Variants in CTNNA3 observed in about 807,000 individuals in gnomAD.
CTNNA3 encodes the protein catenin alpha 3, also known as catenin alpha-3.
In CTNNA3, 76 loss-of-function variants were observed where a neutral mutation model predicts 95.7. The ratio of observed to expected loss-of-function variants is 0.79; its 90% CI spans 0.66 to 0.96. The LOEUF (loss-of-function observed/expected upper bound fraction) is 0.96, where lower values mean the gene tolerates loss of function less well. Among genes scored for constraint, CTNNA3 ranks in the 40% least tolerant of loss-of-function variants. The pLI, the probability that CTNNA3 is intolerant of heterozygous loss-of-function variation, is 0.00. For synonymous variants in CTNNA3, 431 were observed against 374.4 expected, an observed-to-expected ratio of 1.15 and a Z score of -1.74; for missense variants, 1,191 against 1,089.8, an observed-to-expected ratio of 1.09 and a Z score of -1.31.
intron 5 of CTNNA3, among the ~76,000 whole-genome samples, chr10:67,243,766 G>A (rs1024211224): frequency 3.3e-5 from 5 of 152,188 alleles, no homozygotes; most frequent in Admixed American, 6.5e-5. Flanking sequence ...TTAAGTCATC[G>A]TGGATTCTTA....
At chr10:66,036,362 T>TTTTTTG (rs1383803309) in intron 15 of CTNNA3, among the ~76,000 whole-genome samples, 9 of 152,176 alleles carry the variant, frequency 5.9e-5, no homozygotes, top group South Asian at 2.1e-4. Flanking sequence ...CCACCAGGTT[T>TTTTTTG]TTTTTGTTTT....
chr10:66,318,276 ATGTGTGTG>A (rs138734509), intron 12 of CTNNA3, among the ~76,000 whole-genome samples: 4 of 136,602 alleles, frequency 2.9e-5, no homozygotes, highest in South Asian at 2.4e-4. Flanking sequence ...ATATATATAT[ATGTGTGTG>A]TGTGTGTGTG....
intron 5 of CTNNA3, among the ~76,000 whole-genome samples, chr10:67,430,229 A>T (rs1313363627): frequency 6.6e-6 from 1 of 152,038 alleles, no homozygotes; most frequent in Non-Finnish European, 1.5e-5. Flanking sequence ...ATTCACAATT[A>T]CCCAATTCAG....
intron 12 of CTNNA3, among the ~76,000 whole-genome samples, chr10:66,310,814 G>A (rs2092008976): frequency 6.6e-6 from 1 of 151,378 alleles, no homozygotes; most frequent in Non-Finnish European, 1.5e-5. Context: ...CTCCCAAGTA[G>A]CTGGGACTAC....
At chr10:67,182,394 AC>A (rs967225163) in intron 6 of CTNNA3, among the ~76,000 whole-genome samples, 3 of 152,128 alleles carry the variant, frequency 2.0e-5, no homozygotes, top group African/African-American at 7.2e-5. Context: ...CCAATCTACA[AC>A]CATCTGATCT....
intron 7 of CTNNA3, among the ~76,000 whole-genome samples, chr10:66,868,365 C>CA (rs1487729057): frequency 7.0e-6 from 1 of 142,816 alleles, no homozygotes; most frequent in Non-Finnish European, 1.5e-5. Context: ...AACTCTGTCG[C>CA]AAAAATTAAA....
chr10:65,980,173 A>G (rs955837893), intron 16 of CTNNA3, among the ~76,000 whole-genome samples: 1 of 152,070 alleles, frequency 6.6e-6, no homozygotes, highest in African/African-American at 2.4e-5. Context: ...AATACAAAAG[A>G]TTATTCAAGG....
At chr10:66,750,418 T>A (rs141441871) in intron 9 of CTNNA3, among the ~76,000 whole-genome samples, 1 of 152,320 alleles carries the variant, frequency 6.6e-6, no homozygotes, top group East Asian at 1.9e-4. Flanking sequence ...GTGTAAAGAT[T>A]CATTTTTCCA....
At chr10:66,781,273 A>T (rs190729104) in intron 7 of CTNNA3, among the ~76,000 whole-genome samples, 1 of 152,260 alleles carries the variant, frequency 6.6e-6, no homozygotes, top group Non-Finnish European at 1.5e-5. Context: ...CATTTTATTC[A>T]ACCTTTTAAA....
chr10:66,101,757 G>A (rs901858057), intron 14 of CTNNA3, among the ~76,000 whole-genome samples: 1 of 151,988 alleles, frequency 6.6e-6, no homozygotes, highest in African/African-American at 2.4e-5. Context: ...TTTTAAAAAG[G>A]CAATCAAAAA....
rs542517460 is a variant in CTNNA3, at chr10:66,763,178, T to C, written c.1281+3086A>G. On this transcript the variant is annotated intron_variant, in intron 9 of 17. Transcript: ENST00000433211. ...TCTCCTATTTTCCACGAGTCTATCA[T>C]AGACACTTGTGTCTCAATGTTTGTA... 2.0e-5 allele frequency among the ~76,000 whole-genome samples: 3 copies of C among 152,254 alleles called. 1 individual carries two copies. The highest frequency in any genetic ancestry group is 4.8e-5 in the African/African-American group (2 of 41,550).
intron 7 of CTNNA3, among the ~76,000 whole-genome samples, chr10:66,804,266 G>A (rs1369941402): frequency 6.6e-6 from 1 of 151,992 alleles, no homozygotes; most frequent in African/African-American, 2.4e-5. Flanking sequence ...AGTTAGTCTA[G>A]GTTTTATATA....
At chr10:66,473,514 C>A (rs2131880913) in intron 11 of CTNNA3, among the ~76,000 whole-genome samples, 1 of 151,948 alleles carries the variant, frequency 6.6e-6, no homozygotes, top group African/African-American at 2.4e-5. Context: ...TCAGGTATTT[C>A]TTTCCTTTTT....
intron 13 of CTNNA3, among the ~76,000 whole-genome samples, chr10:66,187,470 A>G (rs2086405103): frequency 6.6e-6 from 1 of 150,836 alleles, no homozygotes; most frequent in South Asian, 2.1e-4. Context: ...AGAAGGCCCT[A>G]TGCTGTCATG....
chr10:66,498,353 C>T (rs939891910), intron 11 of CTNNA3, among the ~76,000 whole-genome samples: 1 of 152,040 alleles, frequency 6.6e-6, no homozygotes, highest in Non-Finnish European at 1.5e-5. Context: ...TATTTACTTA[C>T]TACCTAAAAC....
chr10:67,617,566 G>A (rs532378739), intron 2 of CTNNA3, among the ~76,000 whole-genome samples: 192 of 152,030 alleles, frequency 1.3e-3, no homozygotes, highest in African/African-American at 4.5e-3. Context: ...CAATGAACAG[G>A]CACGTGCATA....
chr10:66,231,793 G>C (rs1457229949), intron 13 of CTNNA3, among the ~76,000 whole-genome samples: 1 of 152,132 alleles, frequency 6.6e-6, no homozygotes, highest in Non-Finnish European at 1.5e-5. Context: ...GTATGCTTTA[G>C]CTGTATTTTT....
intron 7 of CTNNA3, among the ~76,000 whole-genome samples, chr10:66,985,515 A>G (rs1443579463): frequency 1.3e-5 from 2 of 152,114 alleles, no homozygotes; most frequent in Non-Finnish European, 2.9e-5. Context: ...CTAGTTCTCA[A>G]ATCTTCTGCA....
At chr10:67,259,747 T>C (rs1866519383) in intron 5 of CTNNA3, among the ~76,000 whole-genome samples, 1 of 152,200 alleles carries the variant, frequency 6.6e-6, no homozygotes, top group South Asian at 2.1e-4. Flanking sequence ...TATTCTCAGT[T>C]TCTCAGCTGC....
Sources: gnomAD v4.1 joint callset for allele counts (sites outside exome capture counted in the v4.1 genomes callset) on GRCh38, gnomAD v4.1.1 for gene constraint, MANE v1.5 for transcripts, NCBI Gene and HGNC (gene_info 2026-07-23, HGNC 2026-07-21) for gene names.